Variants in ZFAND3 observed in about 807,000 individuals in gnomAD.
ZFAND3 encodes zinc finger AN1-type containing 3.
ZFAND3 carries 10 observed loss-of-function variants against 29.6 expected under a neutral mutation model. That is an observed-to-expected ratio of 0.34 (90% CI 0.21 to 0.57). ZFAND3 has a LOEUF of 0.57. ZFAND3 is among the 20% of genes least tolerant of loss of function. ZFAND3 has a pLI of 0.86. For synonymous variants in ZFAND3, 128 were observed against 112.6 expected (o/e 1.14, Z -0.87); for missense variants, 230 against 304.5 (o/e 0.76, Z 1.82).
chr6:38,031,584 A>G (rs1338708311), intron 2 of ZFAND3, among the ~76,000 whole-genome samples: 1 of 152,140 alleles, frequency 6.6e-6, no homozygotes, highest in Non-Finnish European at 1.5e-5. Context: ...AGACTTGAGT[A>G]CTTGTATCCT....
intron 2 of ZFAND3, among the ~76,000 whole-genome samples, chr6:38,012,214 G>A (rs755199703): frequency 6.2e-4 from 94 of 151,918 alleles, no homozygotes; most frequent in Non-Finnish European, 1.1e-3. Flanking sequence ...GGAGACATTT[G>A]GTAAAGTACC....
chr6:38,014,996 G>C (rs1763229293), intron 2 of ZFAND3, among the ~76,000 whole-genome samples: 1 of 152,146 alleles, frequency 6.6e-6, no homozygotes, highest in African/African-American at 2.4e-5. Context: ...TTAACCTCCT[G>C]CTTTTTACCA....
At chr6:38,004,398 A>C (rs1763006594) in intron 2 of ZFAND3, among the ~76,000 whole-genome samples, 1 of 151,280 alleles carries the variant, frequency 6.6e-6, no homozygotes, top group African/African-American at 2.4e-5. Flanking sequence ...TTTCTTTTAA[A>C]TTTTTCTTTT....
chr6:38,017,061 A>G (rs1455195589), intron 2 of ZFAND3, among the ~76,000 whole-genome samples: 2 of 152,208 alleles, frequency 1.3e-5, no homozygotes, highest in South Asian at 2.1e-4. Context: ...ATACATTGCT[A>G]TCTGATGAGA....
chr6:37,857,381 G>C (rs571118410), intron 1 of ZFAND3, among the ~76,000 whole-genome samples: 1 of 152,136 alleles, frequency 6.6e-6, no homozygotes, highest in Non-Finnish European at 1.5e-5. Flanking sequence ...AAGTGAGTCT[G>C]AAAAACATGG....
At chr6:37,995,141 TATGCCATGTCAA>T (rs1190423249) in intron 2 of ZFAND3, among the ~76,000 whole-genome samples, 2 of 152,362 alleles carry the variant, frequency 1.3e-5, no homozygotes, top group Non-Finnish European at 1.5e-5. Context: ...ATGGGTGCAG[TATGCCATGTCAA>T]GGCAGCTGCT....
At chr6:37,913,708 CTTTTTTTTTT>C (rs56045448) in intron 1 of ZFAND3, among the ~76,000 whole-genome samples, 2 of 113,046 alleles carry the variant, frequency 1.8e-5, no homozygotes, top group Non-Finnish European at 3.7e-5. Flanking sequence ...CAGCTATATT[CTTTTTTTTTT>C]TTTTTTTTTG....
At chr6:37,974,427 CAG>C (rs1762446074) in intron 2 of ZFAND3, among the ~76,000 whole-genome samples, 1 of 121,860 alleles carries the variant, frequency 8.2e-6, no homozygotes, top group Admixed American at 1.0e-4. Flanking sequence ...TTTTTGGAGA[CAG>C]GGTCTAGCTG....
intron 2 of ZFAND3, among the ~76,000 whole-genome samples, chr6:38,050,691 G>C (rs949418723): frequency 5.3e-5 from 8 of 152,070 alleles, no homozygotes; most frequent in African/African-American, 1.9e-4. Context: ...TTCTTTATAA[G>C]TTACCCAGTC....
chr6:37,997,179 A>G (rs1421350288), intron 2 of ZFAND3, among the ~76,000 whole-genome samples: 1 of 152,236 alleles, frequency 6.6e-6, no homozygotes, highest in Non-Finnish European at 1.5e-5. Context: ...AAAGGGGTTT[A>G]GTTATTTATA....
At chr6:37,896,554 C>CTTTCTTTCTTTCTTTCTTTCTTTTCT (rs1554153843) in intron 1 of ZFAND3, among the ~76,000 whole-genome samples, 1 of 137,698 alleles carries the variant, frequency 7.3e-6, no homozygotes, top group African/African-American at 2.8e-5. Flanking sequence ...TTCTTTCTTT[C>CTTTCTTTCTTTCTTTCTTTCTTTTCT]TTTCTTTCTT....
intron 1 of ZFAND3, among the ~76,000 whole-genome samples, chr6:37,926,197 C>G (rs924039208): frequency 2.6e-5 from 4 of 152,164 alleles, no homozygotes; most frequent in Non-Finnish European, 5.9e-5. Context: ...AGGGAATATG[C>G]TATGATCAGA....
chr6:37,906,700 GTT>G (rs5875602), intron 1 of ZFAND3, among the ~76,000 whole-genome samples: 2 of 143,926 alleles, frequency 1.4e-5, no homozygotes, highest in African/African-American at 2.5e-5. Context: ...CTTACTTTCT[GTT>G]TTTTTTTTTT....
chr6:38,047,003 A>G (rs1446460489), intron 2 of ZFAND3, among the ~76,000 whole-genome samples: 1 of 152,092 alleles, frequency 6.6e-6, no homozygotes, highest in Admixed American at 6.6e-5. Context: ...ATCTAGTATT[A>G]TAATTAGTAA....
chr6:38,031,380 A>G (rs191770171), intron 2 of ZFAND3, among the ~76,000 whole-genome samples: 16 of 152,310 alleles, frequency 1.1e-4, no homozygotes, highest in Middle Eastern at 3.4e-3. Context: ...CAGCAGATCT[A>G]TGTTTTATGC....
At chr6:37,865,317 T>C (rs1055118118) in intron 1 of ZFAND3, among the ~76,000 whole-genome samples, 3 of 152,224 alleles carry the variant, frequency 2.0e-5, no homozygotes, top group Non-Finnish European at 2.9e-5. Context: ...TTGTTTTGTT[T>C]AGGGAATAAT....
chr6:38,047,987 T>A (rs1277563310), intron 2 of ZFAND3, among the ~76,000 whole-genome samples: 1 of 150,810 alleles, frequency 6.6e-6, no homozygotes, highest in African/African-American at 2.4e-5. Context: ...TTTTTTTTTT[T>A]ACTTTTTGTG....
intron 1 of ZFAND3, among the ~76,000 whole-genome samples, chr6:37,872,229 C>G (rs1452488360): frequency 6.6e-6 from 1 of 152,214 alleles, no homozygotes; most frequent in Admixed American, 6.5e-5. Flanking sequence ...CAAAAGGAAA[C>G]TTTCTCAATG....
Position 37,929,952 on chromosome 6 carries a change from GC to G in ZFAND3, c.72-3del. ...TTCTTTCTTTCTTTTCTTTTTGTTT[GC>G]CCCAGGTCCAGCAAGACTATGAATC... On this transcript the variant is annotated splice_polypyrimidine_tract_variant and splice_region_variant and intron_variant, in intron 1 of 5. Transcript: ENST00000287218. The G allele has an allele frequency of 6.3e-7, 1 of 1,589,136 alleles. No homozygotes were observed.
Sources: allele counts gnomAD v4.1 joint callset (sites outside exome capture counted in the v4.1 genomes callset), GRCh38; gene constraint gnomAD v4.1.1; transcripts MANE v1.5; gene names NCBI Gene and HGNC (gene_info 2026-07-23, HGNC 2026-07-21).